The following CWC25 variants were observed in gnomAD, a reference collection of about 807,000 sequenced individuals.
CWC25 encodes the protein pre-mRNA-splicing factor CWC25 homolog.
CWC25 carries 31 observed loss-of-function variants against 54.6 expected under a neutral mutation model. The observed-to-expected ratio is 0.57, with a 90% CI of 0.43 to 0.77. The LOEUF (loss-of-function observed/expected upper bound fraction) is 0.77. Among genes scored for constraint, CWC25 ranks in the 30% least tolerant of loss-of-function variants. The pLI, the probability that CWC25 is intolerant of heterozygous loss-of-function variation, is 0.00. For synonymous variants in CWC25, 151 were observed against 187.0 expected, an observed-to-expected ratio of 0.81 and a Z score of 1.57; for missense variants, 453 against 529.3, an observed-to-expected ratio of 0.86 and a Z score of 1.41.
chr17:38,818,819 A>G (rs530030310), intron 2 of CWC25, among the ~76,000 whole-genome samples: 8 of 152,016 alleles, frequency 5.3e-5, no homozygotes, highest in African/African-American at 1.2e-4. Context: ...GTCTGCAACA[A>G]TGCTGGCTCC....
chr17:38,810,692 A>G, intron 4 of CWC25, 97 bp from the exon 5 acceptor site: 1 of 712,136 alleles, frequency 1.4e-6, no homozygotes, highest in Non-Finnish European at 2.5e-6. Flanking sequence ...GGCTGAGTGG[A>G]GCAGATCATC....
At position 38,802,000 on chromosome 17, in the gene CWC25, GA is replaced by G. The variant is rs1911045364; in HGVS notation, c.*91del. On this transcript the variant is annotated 3_prime_UTR_variant, in exon 10 of 10. Coordinates refer to ENST00000614790, the MANE Select transcript of CWC25 (RefSeq NM_017748.5). ...TGAACACTGGTGGTTTGACATCTGT[GA>G]AAGAAGTCATTTGAACTCTTATAAA... The G allele has an allele frequency of 4.1e-6, 3 of 735,540 alleles. No homozygotes were observed. The highest frequency in any genetic ancestry group is 5.2e-5 in the Admixed American group (2 of 38,322). 45.6% of individuals were successfully genotyped at this position (735,540 alleles called of 1,614,324 possible).
intron 8 of CWC25, among the ~76,000 whole-genome samples, chr17:38,803,586 C>T (rs540599393): frequency 1.4e-3 from 214 of 151,984 alleles, no homozygotes; most frequent in African/African-American, 4.9e-3. Flanking sequence ...GCCAAGATCG[C>T]ACCACTGCAC....
At chr17:38,806,546 A>AC (rs1911250003) in intron 7 of CWC25, 151 bp from the exon 8 acceptor site, 1 of 769,186 alleles carries the variant, frequency 1.3e-6, no homozygotes, top group African/African-American at 1.8e-5. Context: ...TGTTAGACTC[A>AC]CCCCAGAGCT....
chr17:38,808,757 GTTGACAT>G (rs1911358299), intron 6 of CWC25, among the ~76,000 whole-genome samples: 2 of 151,676 alleles, frequency 1.3e-5, no homozygotes, highest in Admixed American at 6.6e-5. Flanking sequence ...CTCCAGCCTG[GTTGACAT>G]GGAGAAACCC....
At chr17:38,803,710 C>T (rs1018696834) in intron 8 of CWC25, among the ~76,000 whole-genome samples, 4 of 148,874 alleles carry the variant, frequency 2.7e-5, no homozygotes, top group African/African-American at 1.0e-4. Flanking sequence ...GATATTAGAG[C>T]ATTCAAATGA....
chr17:38,814,885 C>T lies in CWC25; in HGVS notation c.404G>A (p.Arg135Gln), dbSNP rs763427545. Residue 135 changes from arginine to glutamine, a missense_variant, in exon 3 of 10, where the codon CGG (arginine) becomes CAG (glutamine). By Grantham distance (43) the Arg-to-Gln change is conservative. Around this residue, in one of 2 missense-constraint regions of CWC25, gnomAD observed 444 missense variants for 499.2 expected, o/e 0.89. Transcript: ENST00000614790. ...CCTGATGATGAAGAGTGGGTCCTCC[C>T]GGATCTTGCTGGCCATGTCAAGAAG... ...NSLLDMASKI[R>Q]EDPLFIIRKK... The T allele has an allele frequency of 1.5e-5, 25 of 1,613,488 alleles. No individual in the cohort carries two copies. The highest frequency in any genetic ancestry group is 4.0e-5 in the African/African-American group (3 of 74,818).
At chr17:38,809,421 C>T (rs1325341011) in intron 6 of CWC25, among the ~76,000 whole-genome samples, 4 of 113,752 alleles carry the variant, frequency 3.5e-5, no homozygotes, top group South Asian at 2.9e-4. Flanking sequence ...AGCGAGACTC[C>T]GTCTCAAAAA....
intron 2 of CWC25, 124 bp from the exon 3 acceptor site, chr17:38,815,221 C>T: frequency 1.2e-6 from 1 of 829,230 alleles, no homozygotes; most frequent in Non-Finnish European, 1.9e-6. Flanking sequence ...CTACTGGCAC[C>T]TACCATGCAA....
intron 1 of CWC25, among the ~76,000 whole-genome samples, chr17:38,821,649 A>C (rs942978596): frequency 6.6e-6 from 1 of 152,208 alleles, no homozygotes; most frequent in Non-Finnish European, 1.5e-5. Context: ...AAAGCATACA[A>C]GTCATCCTTC....
chr17:38,801,926 C>T lies in CWC25; in HGVS notation c.*166G>A, dbSNP rs1911043525. ...TGTCCCACAAAGCAAGTCACACTAGCTCTCAAAGGAAGTGAGCTGTTTCAG... is the reference window on the plus strand; with the variant it reads ...TGTCCCACAAAGCAAGTCACACTAGTTCTCAAAGGAAGTGAGCTGTTTCAG... On this transcript the variant is annotated 3_prime_UTR_variant, in exon 10 of 10. Coordinates refer to ENST00000614790, the MANE Select transcript of CWC25 (RefSeq NM_017748.5). 3 of 509,770 alleles carry T rather than the reference C, an allele frequency of 5.9e-6. No individual in the cohort carries two copies. The highest frequency in any genetic ancestry group is 1.9e-5 in the African/African-American group (1 of 51,448). The allele number at this position is 509,770 out of a possible 1,614,324, so 31.6% of individuals were successfully genotyped here.
intron 5 of CWC25, 117 bp from the exon 6 acceptor site, chr17:38,809,882 G>T: frequency 1.2e-6 from 1 of 854,244 alleles, no homozygotes; most frequent in South Asian, 1.7e-5. Context: ...CCTCCCAGCA[G>T]TTACCTGGCA....
At chr17:38,824,235 G>A (rs1912046307) in intron 1 of CWC25, among the ~76,000 whole-genome samples, 1 of 152,102 alleles carries the variant, frequency 6.6e-6, no homozygotes, top group South Asian at 2.1e-4. Flanking sequence ...GGGCCTTAGC[G>A]CTTTACAAAT....
intron 1 of CWC25, among the ~76,000 whole-genome samples, chr17:38,824,347 G>C (rs1384288394): frequency 6.6e-6 from 1 of 152,146 alleles, no homozygotes; most frequent in Non-Finnish European, 1.5e-5. Flanking sequence ...CACTGAAGGA[G>C]GTGTGGAAGT....
Position 38,813,548 on chromosome 17 carries a change from CAA to C in CWC25, c.429-686_429-685del, listed in dbSNP as rs35706016. Among the ~76,000 whole-genome samples the C allele has an allele frequency of 7.1e-3, 731 of 103,082 alleles. 7 individuals carry two copies. Among genetic ancestry groups the C allele is most frequent in the African/African-American group, 0.023 (676 of 29,562 alleles). 67.6% of individuals were successfully genotyped at this position (103,082 alleles called of 152,430 possible). A position where few individuals can be genotyped will look rare whatever the true frequency, so the allele number is the denominator to read the frequency against. ...CTCTCACAAATATAAGAGATTGTCT[CAA>C]AAAAAAAAAAAAAAAAAGAGTCATG... On this transcript the variant is annotated intron_variant, in intron 3 of 9. Coordinates refer to ENST00000614790, the MANE Select transcript of CWC25 (RefSeq NM_017748.5).
Position 38,806,707 on chromosome 17 carries a change from C to G in CWC25, c.902+58G>C, listed in dbSNP as rs998194099. ...ACATCACCAAAAGCAAAAACAAATGCCTGCTGGGACCAGGCCCCCACAGTC... is the reference window on the plus strand; with the variant it reads ...ACATCACCAAAAGCAAAAACAAATGGCTGCTGGGACCAGGCCCCCACAGTC... On this transcript the variant is annotated intron_variant, in intron 7 of 9. Transcript: ENST00000614790. 12 of 1,435,782 alleles carry G rather than the reference C, an allele frequency of 8.4e-6. No homozygotes were observed. The Admixed American group carries it at 2.7e-4, about 33-fold the overall frequency. 88.9% of individuals were successfully genotyped at this position (1,435,782 alleles called of 1,614,324 possible).
intron 2 of CWC25, among the ~76,000 whole-genome samples, chr17:38,818,734 G>A (rs953489415): frequency 1.3e-5 from 2 of 151,836 alleles, no homozygotes; most frequent in East Asian, 1.9e-4. Context: ...AATATTGTAG[G>A]ACATGTGATA....
At position 38,815,037 on chromosome 17, in the gene CWC25, G is replaced by A. The variant is rs202146970; in HGVS notation, c.252C>T (p.Asp84=). 52 of 1,613,808 alleles carry A rather than the reference G, an allele frequency of 3.2e-5. No homozygotes were observed. Among genetic ancestry groups the A allele is most frequent in the East Asian group, 2.2e-5 (1 of 44,888 alleles). Reference sequence around the variant, plus strand: ...CAATGGGGCGCCCCAGCAGGTACTCGTCACGGTTCACCATCCCACCAGGAC... The same window carrying A: ...CAATGGGGCGCCCCAGCAGGTACTCATCACGGTTCACCATCCCACCAGGAC... ...YQGPGGMVNR[D]EYLLGRPIDK... is the part of the protein sequence containing the mutation. The change falls in exon 3 of 10, where the codon GAC becomes GAT. Residue 84 remains aspartate, a synonymous_variant. Transcript: ENST00000614790.
intron 9 of CWC25, 96 bp downstream of exon 9, chr17:38,802,604 G>A: frequency 5.6e-6 from 8 of 1,432,450 alleles, no homozygotes; most frequent in Non-Finnish European, 7.6e-6. Flanking sequence ...TGGGCTCCAT[G>A]TGCAAACACA....
Sources: gnomAD v4.1 joint callset for allele counts (sites outside exome capture counted in the v4.1 genomes callset) on GRCh38, gnomAD v4.1.1 for gene constraint, gnomAD v4.1.1 regional missense constraint, MANE v1.5 for transcripts, NCBI Gene and HGNC (gene_info 2026-07-23, HGNC 2026-07-21) for gene names.